The following HDAC9 variants were observed in gnomAD, a reference collection of about 807,000 sequenced individuals.
HDAC9 encodes MEF-2 interacting transcription repressor (MITR) protein.
Under a neutral mutation model 139.4 loss-of-function variants are expected in HDAC9, and 41 were observed. That is an observed-to-expected ratio of 0.29 (90% CI 0.23 to 0.38). The LOEUF is 0.38. Ranked by LOEUF, HDAC9 falls within the 10% of genes least tolerant of loss-of-function variation. The pLI is 1.00. For missense variants in HDAC9, 1,147 were observed against 1,297.0 expected, an observed-to-expected ratio of 0.88 and a Z score of 1.78; for synonymous variants, 517 against 476.2, an observed-to-expected ratio of 1.09 and a Z score of -1.12.
chr7:18,415,975 G>A (rs1429008988), intron 1 of HDAC9, among the ~76,000 whole-genome samples: 1 of 151,692 alleles, frequency 6.6e-6, no homozygotes, highest in African/African-American at 2.4e-5. Context: ...ATATATTATT[G>A]GATTGGAGTT....
chr7:18,912,455 ATATGT>A (rs1206632105), intron 22 of HDAC9, among the ~76,000 whole-genome samples: 7 of 152,114 alleles, frequency 4.6e-5, no homozygotes, highest in African/African-American at 1.7e-4. Context: ...ACATTTGAAA[ATATGT>A]TATGCATTGA....
chr7:18,620,039 C>G (rs763547899), intron 6 of HDAC9, among the ~76,000 whole-genome samples: 2 of 152,156 alleles, frequency 1.3e-5, no homozygotes, highest in Non-Finnish European at 2.9e-5. Context: ...AAAAGACTCT[C>G]TGTCTTTTCT....
intron 22 of HDAC9, among the ~76,000 whole-genome samples, chr7:18,921,911 A>G (rs1355682157): frequency 6.6e-6 from 1 of 152,128 alleles, no homozygotes; most frequent in Admixed American, 6.6e-5. Flanking sequence ...ACAAAGGATG[A>G]GTTCATGTCC....
At chr7:18,695,001 C>T (rs1261612281) in intron 12 of HDAC9, among the ~76,000 whole-genome samples, 1 of 152,088 alleles carries the variant, frequency 6.6e-6, no homozygotes, top group African/African-American at 2.4e-5. Context: ...CATGCTTTAT[C>T]TAAGGAAGTC....
intron 1 of HDAC9, among the ~76,000 whole-genome samples, chr7:18,441,995 C>T (rs1210145213): frequency 2.0e-5 from 3 of 152,152 alleles, no homozygotes; most frequent in Admixed American, 1.3e-4. Flanking sequence ...TGGTCTCGAT[C>T]TCCTGACCTC....
At chr7:18,099,336 TG>T (rs1435441233) in intron 1 of HDAC9, among the ~76,000 whole-genome samples, 1 of 151,874 alleles carries the variant, frequency 6.6e-6, no homozygotes, top group African/African-American at 2.4e-5. Context: ...GGTGCGGTGG[TG>T]GGCACCTGTA....
At chr7:18,795,468 A>G (rs1379197033) in intron 17 of HDAC9, among the ~76,000 whole-genome samples, 1 of 152,142 alleles carries the variant, frequency 6.6e-6, no homozygotes, top group Non-Finnish European at 1.5e-5. Flanking sequence ...TTGCAAATGA[A>G]AAGTGGATAT....
chr7:18,749,493 G>T (rs1024795452), intron 14 of HDAC9, among the ~76,000 whole-genome samples: 30 of 152,054 alleles, frequency 2.0e-4, no homozygotes, highest in African/African-American at 7.2e-4. Flanking sequence ...ACTAAACTTT[G>T]GATTTAGATA....
chr7:18,902,653 C>G (rs183760143), intron 22 of HDAC9, among the ~76,000 whole-genome samples: 46 of 152,132 alleles, frequency 3.0e-4, no homozygotes, highest in Non-Finnish European at 4.4e-5. Context: ...TGAACTGCAT[C>G]ACTGAAATAA....
At chr7:18,306,803 A>C (rs1315760819) in intron 1 of HDAC9, among the ~76,000 whole-genome samples, 1 of 152,004 alleles carries the variant, frequency 6.6e-6, no homozygotes, top group Non-Finnish European at 1.5e-5. Context: ...CTTCACTCCA[A>C]CCAGACTTAT....
At chr7:18,467,303 C>A (rs1446570115) in intron 1 of HDAC9, among the ~76,000 whole-genome samples, 1 of 152,264 alleles carries the variant, frequency 6.6e-6, no homozygotes, top group African/African-American at 2.4e-5. Flanking sequence ...CTCTATCAGT[C>A]ATTGACCTAT....
chr7:18,629,635 A>G (rs1781726050), intron 7 of HDAC9, among the ~76,000 whole-genome samples, 154 bp downstream of exon 7: 1 of 152,208 alleles, frequency 6.6e-6, no homozygotes, highest in African/African-American at 2.4e-5. Context: ...TAGTTCAATA[A>G]ACCTTGCTAT....
At chr7:18,990,991 A>G (rs202090218) in intron 25 of HDAC9, among the ~76,000 whole-genome samples, 2 of 152,222 alleles carry the variant, frequency 1.3e-5, no homozygotes, top group East Asian at 3.9e-4. Flanking sequence ...GGAAATGCAG[A>G]AATCACCCGT....
At chr7:18,720,037 T>A (rs2129123233) in intron 12 of HDAC9, among the ~76,000 whole-genome samples, 1 of 152,312 alleles carries the variant, frequency 6.6e-6, no homozygotes, top group African/African-American at 2.4e-5. Flanking sequence ...CTGTTTTAAT[T>A]ACTGTACCTG....
At chr7:18,143,766 C>A (rs1325737453) in intron 1 of HDAC9, among the ~76,000 whole-genome samples, 1 of 147,814 alleles carries the variant, frequency 6.8e-6, no homozygotes, top group Non-Finnish European at 1.5e-5. Flanking sequence ...ACACTCTAGC[C>A]TGGGTGACAG....
intron 1 of HDAC9, among the ~76,000 whole-genome samples, chr7:18,424,900 C>T (rs1220422907): frequency 6.6e-6 from 1 of 152,050 alleles, no homozygotes; most frequent in Non-Finnish European, 1.5e-5. Context: ...GAGACTATAT[C>T]TCAATTAAAT....
intron 23 of HDAC9, among the ~76,000 whole-genome samples, chr7:18,938,013 A>G (rs1163303519): frequency 6.6e-6 from 1 of 152,102 alleles, no homozygotes; most frequent in Non-Finnish European, 1.5e-5. Flanking sequence ...GTTTTTCTTA[A>G]TTTATCTGTG....
chr7:18,271,809 C>G (rs1480373249), intron 2 of HDAC9, among the ~76,000 whole-genome samples: 1 of 152,112 alleles, frequency 6.6e-6, no homozygotes. Flanking sequence ...AATCTATAAG[C>G]TTCTGTGAAG....
chr7:18,582,791 G>A (rs1055011939), intron 2 of HDAC9, among the ~76,000 whole-genome samples: 2 of 152,032 alleles, frequency 1.3e-5, no homozygotes, highest in African/African-American at 4.8e-5. Context: ...GAATCAAATG[G>A]TAGAAATATG....
Sources: gnomAD v4.1 joint callset for allele counts (sites outside exome capture counted in the v4.1 genomes callset) on GRCh38, gnomAD v4.1.1 for gene constraint, MANE v1.5 for transcripts, NCBI Gene and HGNC (gene_info 2026-07-23, HGNC 2026-07-21) for gene names.